Variants in GPRIN3 observed in about 807,000 individuals in gnomAD.
GPRIN3 encodes GPRIN family member 3, also known as G protein-regulated inducer of neurite outgrowth 3.
GPRIN3 carries 12 observed loss-of-function variants against 13.7 expected under a neutral mutation model. The ratio of observed to expected loss-of-function variants is 0.87; its 90% CI spans 0.56 to 1.42. GPRIN3 has a LOEUF of 1.42. Among genes scored for constraint, GPRIN3 ranks in the 40% most tolerant of loss-of-function variants. The probability of loss-of-function intolerance (pLI) is 0.00; values close to 1 mark genes in which losing one functional copy is unlikely to be tolerated. For synonymous variants in GPRIN3, 377 were observed against 372.7 expected, an observed-to-expected ratio of 1.01 and a Z score of -0.13; for missense variants, 1,009 against 958.7, an observed-to-expected ratio of 1.05 and a Z score of -0.69.
intron 1 of GPRIN3, among the ~76,000 whole-genome samples, chr4:89,261,073 A>G (rs1285978622): frequency 6.6e-6 from 1 of 152,110 alleles, no homozygotes; most frequent in Non-Finnish European, 1.5e-5. Context: ...TTCAGCACAG[A>G]TCTTAAATTA....
intron 1 of GPRIN3, among the ~76,000 whole-genome samples, chr4:89,302,648 A>T (rs1424936554): frequency 6.6e-6 from 1 of 152,190 alleles, no homozygotes; most frequent in Admixed American, 6.5e-5. Flanking sequence ...AAAGCTGTGA[A>T]AACTTTTCTC....
intron 1 of GPRIN3, among the ~76,000 whole-genome samples, chr4:89,280,203 G>A (rs1364615694): frequency 6.6e-6 from 1 of 152,018 alleles, no homozygotes; most frequent in African/African-American, 2.4e-5. Flanking sequence ...CTCCTCTCTA[G>A]TCTTCCTACT....
intron 1 of GPRIN3, among the ~76,000 whole-genome samples, chr4:89,295,051 T>C (rs945440782): frequency 6.6e-6 from 1 of 152,196 alleles, no homozygotes; most frequent in Non-Finnish European, 1.5e-5. Context: ...AAATTCCTCA[T>C]ATGACTCAGA....
At chr4:89,262,125 C>CAA (rs61290252) in intron 1 of GPRIN3, among the ~76,000 whole-genome samples, 9 of 53,716 alleles carry the variant, frequency 1.7e-4, no homozygotes, top group Non-Finnish European at 2.2e-4. Context: ...GACCCAGTCT[C>CAA]AAAAAAAAAA....
rs151231128 is a variant in GPRIN3, at chr4:89,248,723, A to G, written c.1388T>C (p.Leu463Pro). 1.7e-3 allele frequency: 2,792 copies of G among 1,614,182 alleles called. 70 individuals are homozygous for G. In the South Asian group the frequency reaches 0.028, roughly 16 times the overall value. Residue 463 changes from leucine to proline, a missense_variant, in exon 2 of 2, where the codon CTG (leucine) becomes CCG (proline). Leu to Pro is a moderately conservative substitution (Grantham distance 98, BLOSUM62 -3). Transcript: ENST00000609438. The part of the protein sequence containing the change: ...KKLAGTNSSS[L>P]KATAIDQISI... The stretch of plus-strand genomic sequence containing the variant: ...AATCTGGTCAATGGCGGTAGCTTTC[A>G]GGGAGCTAGAATTAGTACCTGCGAG...
At chr4:89,276,354 T>C (rs1724092787) in intron 1 of GPRIN3, among the ~76,000 whole-genome samples, 1 of 152,234 alleles carries the variant, frequency 6.6e-6, no homozygotes, top group Non-Finnish European at 1.5e-5. Flanking sequence ...ATATTCTAAT[T>C]CATCTTTTAA....
chr4:89,277,629 T>A (rs1193312957), intron 1 of GPRIN3, among the ~76,000 whole-genome samples: 1 of 152,204 alleles, frequency 6.6e-6, no homozygotes, highest in African/African-American at 2.4e-5. Context: ...TCCTTTTTCA[T>A]CCTCTGCCTT....
In GPRIN3 at chr4:89,247,320, C is replaced by T. The variant is rs1471895142; in HGVS notation, c.*460G>A. On this transcript the variant is annotated 3_prime_UTR_variant, in exon 2 of 2. Coordinates refer to ENST00000609438, the MANE Select transcript of GPRIN3 (RefSeq NM_198281.3). ...CACCTATTTATAATTTGTGTGGTTA[C>T]AGCATTCTTACTGCAATAAGACTAG... 1 of 153,358 alleles carries T rather than the reference C, an allele frequency of 6.5e-6. No individual in the cohort carries two copies. The highest frequency in any genetic ancestry group is 1.4e-5 in the Non-Finnish European group (1 of 68,984). The allele number at this position is 153,358 out of a possible 1,614,324, so 9.5% of individuals were successfully genotyped here.
chr4:89,258,029 G>A (rs1025842284), intron 1 of GPRIN3, among the ~76,000 whole-genome samples: 3 of 151,620 alleles, frequency 2.0e-5, no homozygotes, highest in African/African-American at 7.3e-5. Context: ...GTGTTTTAGG[G>A]GAGGGAAAAT....
chr4:89,283,358 A>G (rs892710366), intron 1 of GPRIN3, among the ~76,000 whole-genome samples: 2 of 152,226 alleles, frequency 1.3e-5, no homozygotes, highest in African/African-American at 2.4e-5. Flanking sequence ...ACAGATTTCA[A>G]TGGTAACACA....
At chr4:89,266,993 A>G (rs902083425) in intron 1 of GPRIN3, among the ~76,000 whole-genome samples, 2 of 152,224 alleles carry the variant, frequency 1.3e-5, no homozygotes, top group African/African-American at 4.8e-5. Flanking sequence ...GAGAAAATAT[A>G]TATGTAAAGA....
intron 1 of GPRIN3, among the ~76,000 whole-genome samples, chr4:89,267,165 A>G (rs1258988682): frequency 2.0e-5 from 3 of 152,222 alleles, no homozygotes; most frequent in Non-Finnish European, 2.9e-5. Context: ...CTGGGAAAAC[A>G]AGATTCCTAC....
rs1002988415 is a variant in GPRIN3 at position 89,238,347 on chromosome 4, G to A, written c.*9433C>T. 5 of 152,110 alleles carry A rather than the reference G, an allele frequency of 3.3e-5. No homozygotes were observed. The highest frequency in any genetic ancestry group is 1.2e-4 in the African/African-American group (5 of 41,402). The allele number at this position is 152,110 out of a possible 1,614,324, so 9.4% of individuals were successfully genotyped here. ...TTTACTACTGGTCAAGTCAAACTGG[G>A]GATATGGCTGGGCTTTCCATCTCCT... On this transcript the variant is annotated 3_prime_UTR_variant, in exon 2 of 2. Transcript: ENST00000609438.
rs192931421 is a variant in GPRIN3 at position 89,268,321 on chromosome 4, T to A, written c.-123-18088A>T. Among the ~76,000 whole-genome samples the A allele has an allele frequency of 2.6e-5, 4 of 152,300 alleles. No individual in the cohort carries two copies. In the East Asian group the frequency reaches 7.7e-4, roughly 29 times the overall value. ...ATGGAAATTATTACAGAAGTGGCAT[T>A]GGCAGCATTTAATGACTGGTGGCAT... On this transcript the variant is annotated intron_variant, in intron 1 of 1. Coordinates refer to ENST00000609438, the MANE Select transcript of GPRIN3 (RefSeq NM_198281.3).
chr4:89,275,796 C>G (rs933577846), intron 1 of GPRIN3, among the ~76,000 whole-genome samples: 3 of 152,190 alleles, frequency 2.0e-5, no homozygotes, highest in African/African-American at 7.2e-5. Flanking sequence ...CAATGACGAA[C>G]TACAATGCCG....
chr4:89,296,080 C>T (rs1280973686), intron 1 of GPRIN3, among the ~76,000 whole-genome samples: 1 of 151,906 alleles, frequency 6.6e-6, no homozygotes, highest in Non-Finnish European at 1.5e-5. Context: ...ACGTAAGATC[C>T]TCTCACAGGT....
Position 89,248,876 on chromosome 4 carries a change from C to T in GPRIN3, c.1235G>A (p.Ser412Asn). The change falls in exon 2 of 2, where the codon AGC (serine) becomes AAC (asparagine). Residue 412 changes from serine (S) to asparagine (N), a missense_variant. By Grantham distance (46) the Ser-to-Asn change is conservative. Coordinates refer to ENST00000609438, the MANE Select transcript of GPRIN3 (RefSeq NM_198281.3). ...GGTTTTAAGGACCCCACCTGGTAGG[C>T]TCGCAAGTTTATTTTCCCGTTGGAA... ...TAFQRENKLA[S>N]LPGGVLKTSS... The T allele has an allele frequency of 6.2e-7, 1 of 1,614,208 alleles. No homozygotes were observed. The highest frequency in any genetic ancestry group is 8.5e-7 in the Non-Finnish European group (1 of 1,180,034).
At position 89,248,573 on chromosome 4, in the gene GPRIN3, T is replaced by C; in HGVS notation, c.1538A>G (p.Asp513Gly). The change falls in exon 2 of 2, where the codon GAC becomes GGC. Residue 513 changes from aspartate to glycine, a missense_variant. By Grantham distance (94) the Asp-to-Gly change is moderately conservative. Transcript: ENST00000609438. The stretch of plus-strand genomic sequence containing the variant: ...AGCTTTGCTGATAGAGCCACAAGAG[T>C]CAGATAGTTTGCAATCTGGGTCTGT... ...HKTDPDCKLS[D>G]SCGSISKADH... 6.2e-7 allele frequency: 1 copy of C among 1,613,282 alleles called. No homozygotes were observed. The highest frequency in any genetic ancestry group is 8.5e-7 in the Non-Finnish European group (1 of 1,179,364).
At position 89,249,850 on chromosome 4, in the gene GPRIN3, C is replaced by G; in HGVS notation, c.261G>C (p.Val87=). The change falls in exon 2 of 2, where the codon GTG becomes GTC. Residue 87 remains valine (V), a synonymous_variant. Coordinates refer to ENST00000609438, the MANE Select transcript of GPRIN3 (RefSeq NM_198281.3). The stretch of plus-strand genomic sequence containing the variant: ...AGTTGAATGTGGCAGGTGCTTTCTG[C>G]ACTTCATTGAACACACCAGGAGAAG... The part of the protein sequence containing the change: ...DMSSPGVFNE[V]QKAPATFNSP... 6.2e-7 allele frequency: 1 copy of G among 1,614,172 alleles called. No homozygotes were observed. Among genetic ancestry groups the G allele is most frequent in the Non-Finnish European group, 8.5e-7 (1 of 1,180,020 alleles).
Sources: allele counts gnomAD v4.1 joint callset (sites outside exome capture counted in the v4.1 genomes callset), GRCh38; gene constraint gnomAD v4.1.1; transcripts MANE v1.5; gene names NCBI Gene and HGNC (gene_info 2026-07-23, HGNC 2026-07-21).